DIP2C: variants seen among roughly 807,000 people sequenced by gnomAD.
The protein encoded by DIP2C is DIP2 acetate--CoA ligase C (putative).
DIP2C carries 33 observed loss-of-function variants against 192.4 expected under a neutral mutation model. That is an observed-to-expected ratio of 0.17 (90% CI 0.13 to 0.23). DIP2C has a LOEUF of 0.23. Among genes scored for constraint, DIP2C ranks in the 10% least tolerant of loss-of-function variants. The pLI is 1.00. For missense variants in DIP2C, 1,537 were observed against 2,110.1 expected (o/e 0.73, Z 5.32); for synonymous variants, 979 against 864.1 (o/e 1.13, Z -2.33).
At chr10:658,616 G>C (rs1342905617) in intron 1 of DIP2C, among the ~76,000 whole-genome samples, 5 of 152,188 alleles carry the variant, frequency 3.3e-5, no homozygotes, top group African/African-American at 1.2e-4. Flanking sequence ...TCATTAGCCA[G>C]ACCTCCTGGC....
intron 1 of DIP2C, among the ~76,000 whole-genome samples, chr10:639,883 G>A (rs535219921): frequency 7.2e-5 from 11 of 152,186 alleles, no homozygotes; most frequent in South Asian, 4.1e-4. Context: ...TGCTTAAAGC[G>A]TATTTCCAGA....
intron 32 of DIP2C, among the ~76,000 whole-genome samples, chr10:305,335 G>A (rs986029047): frequency 1.3e-5 from 2 of 152,140 alleles, no homozygotes; most frequent in Admixed American, 1.3e-4. Flanking sequence ...CACATGCACT[G>A]AGACACACAC....
chr10:678,294 T>C (rs1830942786), intron 1 of DIP2C, among the ~76,000 whole-genome samples: 1 of 152,132 alleles, frequency 6.6e-6, no homozygotes, highest in Non-Finnish European at 1.5e-5. Flanking sequence ...CCAGCTTTCC[T>C]CTGGAAAAGC....
intron 17 of DIP2C, among the ~76,000 whole-genome samples, chr10:371,865 G>T (rs1030463601): frequency 5.3e-5 from 8 of 152,214 alleles, no homozygotes; most frequent in African/African-American, 1.9e-4. Flanking sequence ...TCAGTGTGTG[G>T]TACTTTGTTA....
rs532281512 is a variant in DIP2C at position 669,622 on chromosome 10, G to GT, written c.85+19871dup. On this transcript the variant is annotated intron_variant, in intron 1 of 36. Coordinates refer to ENST00000280886, the MANE Select transcript of DIP2C (RefSeq NM_014974.3). Reference sequence around the variant, plus strand: ...TCTTTAAGACTGGTTTATGATGCAGGTAAGAGGCAGCTTGACATCTAAAAT... The same window carrying GT: ...TCTTTAAGACTGGTTTATGATGCAGGTTAAGAGGCAGCTTGACATCTAAAAT... 87 of 152,322 alleles carry GT rather than the reference G, an allele frequency of 5.7e-4. 1 individual carries two copies. Among genetic ancestry groups the GT allele is most frequent in the African/African-American group, 2.0e-3 (83 of 41,562 alleles). 9.4% of individuals were successfully genotyped at this position (152,322 alleles called of 1,614,324 possible).
intron 1 of DIP2C, among the ~76,000 whole-genome samples, chr10:618,780 G>T (rs1250739705): frequency 6.6e-6 from 1 of 152,174 alleles, no homozygotes; most frequent in African/African-American, 2.4e-5. Context: ...ACACAGACAC[G>T]TGCAGACCAG....
intron 3 of DIP2C, among the ~76,000 whole-genome samples, chr10:444,836 G>A (rs1173569890): frequency 6.6e-6 from 1 of 152,240 alleles, no homozygotes; most frequent in African/African-American, 2.4e-5. Flanking sequence ...CTCCAGCTGA[G>A]AGAGATTTAC....
chr10:280,183 T>C (rs966588679), intron 36 of DIP2C, among the ~76,000 whole-genome samples: 4 of 152,206 alleles, frequency 2.6e-5, no homozygotes, highest in African/African-American at 9.7e-5. Flanking sequence ...AGACTTGATC[T>C]TGTAAATTCT....
chr10:550,445 C>T (rs1848524653), intron 1 of DIP2C, among the ~76,000 whole-genome samples: 2 of 152,166 alleles, frequency 1.3e-5, no homozygotes, highest in Admixed American at 6.5e-5. Flanking sequence ...AGTTCCACAC[C>T]GCAGAAGGAT....
At chr10:520,254 C>T (rs550607774) in intron 1 of DIP2C, among the ~76,000 whole-genome samples, 1 of 152,234 alleles carries the variant, frequency 6.6e-6, no homozygotes, top group African/African-American at 2.4e-5. Context: ...GGGAGGGCCG[C>T]GCTCTGGGCA....
intron 2 of DIP2C, chr10:484,721 G>A: frequency 1.3e-6 from 2 of 1,561,936 alleles, no homozygotes; most frequent in Non-Finnish European, 8.6e-7. Context: ...CACTCGGCGG[G>A]TGGCCCTTTT....
At chr10:496,177 G>T (rs1266736217) in intron 1 of DIP2C, among the ~76,000 whole-genome samples, 2 of 144,264 alleles carry the variant, frequency 1.4e-5, no homozygotes, top group South Asian at 4.4e-4. Flanking sequence ...AACCCACGGT[G>T]CCCTCCCATG....
At chr10:656,023 T>C (rs1346906930) in intron 1 of DIP2C, among the ~76,000 whole-genome samples, 3 of 151,452 alleles carry the variant, frequency 2.0e-5, no homozygotes, top group African/African-American at 4.8e-5. Context: ...GTTTCTTCTA[T>C]GCTACCCTAT....
At chr10:526,099 A>G (rs968798127) in intron 1 of DIP2C, among the ~76,000 whole-genome samples, 3 of 152,174 alleles carry the variant, frequency 2.0e-5, no homozygotes, top group Non-Finnish European at 4.4e-5. Context: ...CTGAACTTAG[A>G]ATGAGAGAAG....
chr10:557,098 G>C (rs1014666851), intron 1 of DIP2C, among the ~76,000 whole-genome samples: 1 of 152,242 alleles, frequency 6.6e-6, no homozygotes, highest in Non-Finnish European at 1.5e-5. Flanking sequence ...ACGGCCAGGA[G>C]ACCGGCCACC....
intron 1 of DIP2C, among the ~76,000 whole-genome samples, chr10:638,792 G>A (rs919264125): frequency 3.3e-5 from 5 of 152,224 alleles, no homozygotes. Flanking sequence ...TCTGCAGGGT[G>A]CACATATTTA....
chr10:607,751 T>C (rs1048456583), intron 1 of DIP2C, among the ~76,000 whole-genome samples: 19 of 152,144 alleles, frequency 1.2e-4, no homozygotes, highest in African/African-American at 4.3e-4. Context: ...TATTGCGGCT[T>C]CTGTCTTCAG....
At chr10:602,575 T>C (rs1852161954) in intron 1 of DIP2C, among the ~76,000 whole-genome samples, 2 of 152,202 alleles carry the variant, frequency 1.3e-5, no homozygotes, top group African/African-American at 4.8e-5. Context: ...TTGCCGTCTG[T>C]GAGCAACAGG....
intron 4 of DIP2C, among the ~76,000 whole-genome samples, chr10:428,671 C>T (rs1029946259): frequency 1.3e-5 from 2 of 152,114 alleles, no homozygotes; most frequent in African/African-American, 4.8e-5. Context: ...GGGCTGGACA[C>T]AGGTGTTTGA....
Sources: allele counts gnomAD v4.1 joint callset (sites outside exome capture counted in the v4.1 genomes callset), GRCh38; gene constraint gnomAD v4.1.1; transcripts MANE v1.5; gene names NCBI Gene and HGNC (gene_info 2026-07-23, HGNC 2026-07-21).